The following DSCAM variants were observed in gnomAD, a reference collection of about 807,000 sequenced individuals.
DSCAM encodes the protein DS cell adhesion molecule, also known as cell adhesion molecule DSCAM.
A neutral mutation model predicts 217.7 loss-of-function variants in DSCAM; 47 were observed. The ratio of observed to expected loss-of-function variants is 0.22; its 90% CI spans 0.17 to 0.28. The LOEUF is 0.28. Ranked by LOEUF, DSCAM falls within the 10% of genes least tolerant of loss-of-function variation. The pLI, the probability that DSCAM is intolerant of heterozygous loss-of-function variation, is 1.00. For missense variants in DSCAM, 2,080 were observed against 2,618.3 expected (o/e 0.79, Z 4.49); for synonymous variants, 1,056 against 1,015.3 (o/e 1.04, Z -0.76).
chr21:40,708,065 G>T (rs1344259067), intron 2 of DSCAM, among the ~76,000 whole-genome samples: 1 of 152,076 alleles, frequency 6.6e-6, no homozygotes, highest in Non-Finnish European at 1.5e-5. Context: ...TCAACCATTT[G>T]TCATTTTTTT....
intron 27 of DSCAM, among the ~76,000 whole-genome samples, chr21:40,070,276 AGGAG>A (rs1341232860): frequency 4.0e-4 from 47 of 118,074 alleles, no homozygotes; most frequent in Middle Eastern, 9.1e-3. Flanking sequence ...GAGGGAGTGA[AGGAG>A]GGAGGGAGGG....
At chr21:40,427,252 C>T (rs1601634532) in intron 3 of DSCAM, among the ~76,000 whole-genome samples, 1 of 152,164 alleles carries the variant, frequency 6.6e-6, no homozygotes, top group East Asian at 1.9e-4. Flanking sequence ...CTGTCCTGGG[C>T]ATGAACCCGT....
At chr21:40,513,788 A>G (rs1180274697) in intron 3 of DSCAM, among the ~76,000 whole-genome samples, 1 of 152,194 alleles carries the variant, frequency 6.6e-6, no homozygotes, top group Non-Finnish European at 1.5e-5. Context: ...CATGGTGTTG[A>G]ATGAATGGAC....
At chr21:40,078,648 A>T (rs376655180) in intron 26 of DSCAM, 39 bp downstream of exon 26, 69 of 1,594,508 alleles carry the variant, frequency 4.3e-5, no homozygotes, top group Non-Finnish European at 5.8e-5. Context: ...CACATCCCCC[A>T]AGACACAAGC....
At chr21:40,431,652 G>A (rs1387356147) in intron 3 of DSCAM, among the ~76,000 whole-genome samples, 1 of 152,174 alleles carries the variant, frequency 6.6e-6, no homozygotes, top group African/African-American at 2.4e-5. Context: ...TATTGTAAGA[G>A]GACAGTATCT....
rs1357701688 is a variant in DSCAM, at chr21:40,353,783, A to G, written c.656-40T>C. On this transcript the variant is annotated intron_variant, in intron 4 of 32. Coordinates refer to ENST00000400454, the MANE Select transcript of DSCAM (RefSeq NM_001389.5). The stretch of plus-strand genomic sequence containing the variant: ...AAAACTCTTAGAGGCAGGAATGAGG[A>G]GTTGAAGTGGTCATTTAGAATTGTA... 21 of 1,463,652 alleles carry G rather than the reference A, an allele frequency of 1.4e-5. 1 individual carries two copies. In the South Asian group the frequency reaches 1.7e-4, roughly 12 times the overall value. The allele number at this position is 1,463,652 out of a possible 1,614,324, so 90.7% of individuals were successfully genotyped here. A position where few individuals can be genotyped will look rare whatever the true frequency, so the allele number is the denominator to read the frequency against.
At chr21:40,334,532 T>G (rs1196161307) in intron 8 of DSCAM, among the ~76,000 whole-genome samples, 1 of 152,094 alleles carries the variant, frequency 6.6e-6, no homozygotes, top group Non-Finnish European at 1.5e-5. Flanking sequence ...CTCCCCCTGG[T>G]CCAAGCCACC....
At chr21:40,396,409 G>T (rs1470311034) in intron 3 of DSCAM, among the ~76,000 whole-genome samples, 1 of 152,092 alleles carries the variant, frequency 6.6e-6, no homozygotes, top group Admixed American at 6.5e-5. Flanking sequence ...TACTGTAATG[G>T]GAACGGTTTC....
chr21:40,383,289 C>T (rs1343278921), intron 3 of DSCAM: 3 of 152,100 alleles, frequency 2.0e-5, no homozygotes, highest in African/African-American at 4.8e-5. Flanking sequence ...GATCATGCCA[C>T]TACTGCACTC....
At chr21:40,104,464 G>A (rs1224866368) in intron 20 of DSCAM, among the ~76,000 whole-genome samples, 3 of 152,170 alleles carry the variant, frequency 2.0e-5, no homozygotes, top group African/African-American at 7.2e-5. Flanking sequence ...TTTCAAAGCT[G>A]CAATCTTCCA....
intron 1 of DSCAM, among the ~76,000 whole-genome samples, chr21:40,729,896 T>C (rs1192723486): frequency 6.6e-6 from 1 of 152,172 alleles, no homozygotes; most frequent in Non-Finnish European, 1.5e-5. Context: ...TGGAATTCAT[T>C]AATTTTGACA....
At chr21:40,770,137 A>C (rs917782747) in intron 1 of DSCAM, among the ~76,000 whole-genome samples, 1 of 152,086 alleles carries the variant, frequency 6.6e-6, no homozygotes, top group South Asian at 2.1e-4. Context: ...AATTATATCC[A>C]ATTATCTTCC....
chr21:40,221,619 A>G (rs1282073867), intron 11 of DSCAM, among the ~76,000 whole-genome samples: 1 of 152,086 alleles, frequency 6.6e-6, no homozygotes, highest in Admixed American at 6.5e-5. Flanking sequence ...CTATTTTCAG[A>G]ATAACACTAA....
At chr21:40,149,554 TC>T (rs1301023540) in intron 16 of DSCAM, among the ~76,000 whole-genome samples, 1 of 127,914 alleles carries the variant, frequency 7.8e-6, no homozygotes, top group Non-Finnish European at 1.6e-5. Flanking sequence ...CACCACAACA[TC>T]CATCACTCCA....
intron 8 of DSCAM, among the ~76,000 whole-genome samples, chr21:40,335,405 C>A (rs1215347706): frequency 1.3e-5 from 2 of 152,032 alleles, no homozygotes; most frequent in Non-Finnish European, 2.9e-5. Flanking sequence ...TTATAAGAGA[C>A]AATAAATTAT....
chr21:40,732,661 A>G (rs1205589519), intron 1 of DSCAM, among the ~76,000 whole-genome samples: 1 of 152,228 alleles, frequency 6.6e-6, no homozygotes, highest in Non-Finnish European at 1.5e-5. Context: ...TTGCCCCTAT[A>G]CTAGTCCTAA....
chr21:40,741,596 C>T (rs2091124792), intron 1 of DSCAM, among the ~76,000 whole-genome samples: 1 of 152,172 alleles, frequency 6.6e-6, no homozygotes, highest in Admixed American at 6.5e-5. Flanking sequence ...AACAAGTCCA[C>T]TGGGTAAATT....
At chr21:40,487,989 G>T (rs1193713134) in intron 3 of DSCAM, among the ~76,000 whole-genome samples, 1 of 152,174 alleles carries the variant, frequency 6.6e-6, no homozygotes, top group Non-Finnish European at 1.5e-5. Flanking sequence ...AATCCCTGGG[G>T]TATCTTATGA....
At chr21:40,504,842 T>C (rs1168971061) in intron 3 of DSCAM, among the ~76,000 whole-genome samples, 8 of 149,470 alleles carry the variant, frequency 5.4e-5, no homozygotes, top group Non-Finnish European at 1.2e-4. Context: ...CATGCATTAC[T>C]TTATTATCAG....
Sources: allele counts gnomAD v4.1 joint callset (sites outside exome capture counted in the v4.1 genomes callset), GRCh38; gene constraint gnomAD v4.1.1; transcripts MANE v1.5; gene names NCBI Gene and HGNC (gene_info 2026-07-23, HGNC 2026-07-21).